Variants in WNT7A observed in about 807,000 individuals in gnomAD.
WNT7A encodes protein Wnt-7a.
A neutral mutation model predicts 28.2 loss-of-function variants in WNT7A; 16 were observed. The observed-to-expected ratio is 0.57, with a 90% CI of 0.38 to 0.86. The LOEUF is 0.86. Among genes scored for constraint, WNT7A ranks in the 40% least tolerant of loss-of-function variants. WNT7A has a pLI of 0.00. For missense variants in WNT7A, 411 were observed against 489.7 expected (o/e 0.84, Z 1.52); for synonymous variants, 190 against 195.9 (o/e 0.97, Z 0.25).
chr3:13,878,393 C>T (rs1367477997), intron 1 of WNT7A, among the ~76,000 whole-genome samples: 1 of 152,182 alleles, frequency 6.6e-6, no homozygotes, highest in Non-Finnish European at 1.5e-5. Context: ...CGGCGGGGCG[C>T]GGGCCAAGAT....
At chr3:13,829,720 G>A (rs750215622) in intron 3 of WNT7A, among the ~76,000 whole-genome samples, 6 of 152,178 alleles carry the variant, frequency 3.9e-5, no homozygotes. Context: ...AGACAAGGAG[G>A]GCAGGGGGAG....
At chr3:13,857,215 C>T (rs375707342) in intron 2 of WNT7A, among the ~76,000 whole-genome samples, 58 of 152,268 alleles carry the variant, frequency 3.8e-4, no homozygotes, top group African/African-American at 1.3e-3. Context: ...CTGTCTCAGC[C>T]ACAGGTTGAA....
chr3:13,835,643 C>A (rs933421738), intron 3 of WNT7A, among the ~76,000 whole-genome samples: 2 of 152,230 alleles, frequency 1.3e-5, no homozygotes, highest in African/African-American at 2.4e-5. Context: ...AGATGGTGGA[C>A]TTCAAAGAGG....
chr3:13,858,188 G>A (rs1694777066), intron 2 of WNT7A, among the ~76,000 whole-genome samples: 1 of 152,102 alleles, frequency 6.6e-6, no homozygotes, highest in Non-Finnish European at 1.5e-5. Context: ...AGGTGCAGTG[G>A]GCAGGCACCA....
Position 13,839,840 on chromosome 3 carries a change from T to C in WNT7A, c.570+14692A>G, listed in dbSNP as rs564400777. ...TGTTTTACAGTTGAGTTGTAAACCA[T>C]TGAGAGCGTGGATCTGTAATTAAAA... On this transcript the variant is annotated intron_variant, in intron 3 of 3. Transcript: ENST00000285018. 2.0e-5 allele frequency among the ~76,000 whole-genome samples: 3 copies of C among 152,300 alleles called. No individual in the cohort carries two copies. The South Asian group carries it at 6.2e-4, about 32-fold the overall frequency.
At chr3:13,878,590 G>A (rs572103215) in intron 1 of WNT7A, among the ~76,000 whole-genome samples, 1 of 152,144 alleles carries the variant, frequency 6.6e-6, no homozygotes, top group Non-Finnish European at 1.5e-5. Flanking sequence ...GACAACTTGC[G>A]AAATCCCCGC....
intron 1 of WNT7A, among the ~76,000 whole-genome samples, chr3:13,878,847 C>A (rs554393666): frequency 1.3e-5 from 2 of 152,128 alleles, no homozygotes; most frequent in East Asian, 1.9e-4. Flanking sequence ...GAGCCTCACA[C>A]GCGTTGTCTT....
intron 3 of WNT7A, among the ~76,000 whole-genome samples, chr3:13,840,793 AT>A (rs1694445106): frequency 2.6e-5 from 4 of 151,874 alleles, no homozygotes; most frequent in African/African-American, 9.7e-5. Context: ...CCATCTATCC[AT>A]TTGTGCATGC....
intron 1 of WNT7A, chr3:13,876,000 C>A (rs1481748352): frequency 6.6e-6 from 1 of 152,218 alleles, no homozygotes; most frequent in Non-Finnish European, 1.5e-5. Context: ...ATAAAACAGG[C>A]CATCTCGACA....
intron 3 of WNT7A, among the ~76,000 whole-genome samples, chr3:13,821,218 G>T (rs1295296174): frequency 6.6e-6 from 1 of 152,218 alleles, no homozygotes; most frequent in Non-Finnish European, 1.5e-5. Context: ...GCCCAGTTGA[G>T]CTGGAGGCTT....
chr3:13,853,988 T>C (rs1226730501), intron 3 of WNT7A, among the ~76,000 whole-genome samples: 1 of 152,034 alleles, frequency 6.6e-6, no homozygotes, highest in African/African-American at 2.4e-5. Flanking sequence ...TGCACCACCC[T>C]GGGCAGGAGC....
At chr3:13,857,487 T>C (rs1238379452) in intron 2 of WNT7A, among the ~76,000 whole-genome samples, 1 of 151,528 alleles carries the variant, frequency 6.6e-6, no homozygotes, top group Non-Finnish European at 1.5e-5. Flanking sequence ...GCGCAGGAGG[T>C]GGGCAGGTGG....
intron 3 of WNT7A, among the ~76,000 whole-genome samples, chr3:13,843,439 A>G (rs1226093254): frequency 6.6e-6 from 1 of 152,198 alleles, no homozygotes; most frequent in Non-Finnish European, 1.5e-5. Context: ...CCAAGGGCAC[A>G]CAGCAAACAA....
intron 1 of WNT7A, 88 bp downstream of exon 1, chr3:13,879,658 G>C: frequency 6.8e-7 from 1 of 1,461,546 alleles, no homozygotes; most frequent in African/African-American, 1.4e-5. Context: ...GAAGTTGGCC[G>C]GCAGAGGCTC....
At position 13,818,351 on chromosome 3, in the gene WNT7A, C is replaced by CGAAAAAAAAAAAAAAAAAAAA. The variant is rs575789769; in HGVS notation, c.*592_*593insTTTTTTTTTTTTTTTTTTTTC. 6.3e-5 allele frequency: 5 copies of CGAAAAAAAAAAAAAAAAAAAA among 79,950 alleles called. No homozygotes were observed. Among genetic ancestry groups the CGAAAAAAAAAAAAAAAAAAAA allele is most frequent in the South Asian group, 4.7e-4 (1 of 2,124 alleles). 5.0% of individuals were successfully genotyped at this position (79,950 alleles called of 1,614,324 possible). ...TTTCTGGATAAGTAGCAGCAAACAG[C>CGAAAAAAAAAAAAAAAAAAAA]AAAAAAAAAAAAAAAAATGTGTGTG... On this transcript the variant is annotated 3_prime_UTR_variant, in exon 4 of 4. Transcript: ENST00000285018.
intron 3 of WNT7A, among the ~76,000 whole-genome samples, chr3:13,825,111 G>C (rs1445720275): frequency 6.6e-6 from 1 of 152,210 alleles, no homozygotes; most frequent in Non-Finnish European, 1.5e-5. Flanking sequence ...GGTATTTCTG[G>C]AATTACATGA....
chr3:13,841,458 G>A (rs1694455444), intron 3 of WNT7A, among the ~76,000 whole-genome samples: 1 of 152,198 alleles, frequency 6.6e-6, no homozygotes, highest in African/African-American at 2.4e-5. Flanking sequence ...TATGACTTTG[G>A]GCGAGTCGCT....
At chr3:13,862,874 T>C (rs1382467462) in intron 2 of WNT7A, among the ~76,000 whole-genome samples, 1 of 152,250 alleles carries the variant, frequency 6.6e-6, no homozygotes, top group African/African-American at 2.4e-5. Context: ...TCCCTCAGCC[T>C]GCAATTGTCT....
At chr3:13,822,804 A>G (rs541015478) in intron 3 of WNT7A, among the ~76,000 whole-genome samples, 1 of 152,346 alleles carries the variant, frequency 6.6e-6, no homozygotes, top group South Asian at 2.1e-4. Flanking sequence ...CAAGGCTTGC[A>G]TGTATTTCCA....
Sources: allele counts gnomAD v4.1 joint callset (sites outside exome capture counted in the v4.1 genomes callset), GRCh38; gene constraint gnomAD v4.1.1; transcripts MANE v1.5; gene names NCBI Gene and HGNC (gene_info 2026-07-23, HGNC 2026-07-21).